GALNTL6: variants seen among roughly 807,000 people sequenced by gnomAD.
GALNTL6 encodes polypeptide N-acetylgalactosaminyltransferase like 6.
A neutral mutation model predicts 73.7 loss-of-function variants in GALNTL6; 46 were observed. The observed-to-expected ratio is 0.62, with a 90% CI of 0.49 to 0.80. The LOEUF (loss-of-function observed/expected upper bound fraction) is 0.80, where lower values mean the gene tolerates loss of function less well. Among genes scored for constraint, GALNTL6 ranks in the 30% least tolerant of loss-of-function variants. The probability of loss-of-function intolerance (pLI) is 0.00; values close to 1 mark genes in which losing one functional copy is unlikely to be tolerated. For missense variants in GALNTL6, 604 were observed against 755.0 expected, an observed-to-expected ratio of 0.80 and a Z score of 2.34; for synonymous variants, 259 against 263.7, an observed-to-expected ratio of 0.98 and a Z score of 0.17.
At chr4:172,610,973 A>T (rs557518845) in intron 5 of GALNTL6, among the ~76,000 whole-genome samples, 1 of 152,134 alleles carries the variant, frequency 6.6e-6, no homozygotes, top group South Asian at 2.1e-4. Flanking sequence ...GTTCATTTAA[A>T]GTCTGTTTTG....
At chr4:172,559,389 T>G (rs1736269134) in intron 5 of GALNTL6, among the ~76,000 whole-genome samples, 1 of 152,102 alleles carries the variant, frequency 6.6e-6, no homozygotes. Flanking sequence ...AGTCATAGAA[T>G]TTTATGGATG....
At chr4:172,529,655 G>A (rs1735100115) in intron 5 of GALNTL6, among the ~76,000 whole-genome samples, 1 of 148,126 alleles carries the variant, frequency 6.8e-6, no homozygotes, top group Non-Finnish European at 1.5e-5. Context: ...ATGCAAAGTT[G>A]GAGTACCTAA....
chr4:172,282,566 T>C (rs1051381495), intron 3 of GALNTL6, among the ~76,000 whole-genome samples: 3 of 151,156 alleles, frequency 2.0e-5, no homozygotes, highest in African/African-American at 7.3e-5. Flanking sequence ...GACACCATGC[T>C]AAGCAAAACC....
intron 7 of GALNTL6, among the ~76,000 whole-genome samples, chr4:172,866,806 C>A (rs1744689117): frequency 6.6e-6 from 1 of 152,150 alleles, no homozygotes; most frequent in Admixed American, 6.5e-5. Flanking sequence ...GCACATTTTT[C>A]TCTAGACCAT....
chr4:172,797,604 C>G (rs778465678), intron 5 of GALNTL6, among the ~76,000 whole-genome samples: 1 of 151,462 alleles, frequency 6.6e-6, no homozygotes, highest in Non-Finnish European at 1.5e-5. Flanking sequence ...CTGAATCACG[C>G]GACCTCAGCT....
chr4:172,688,466 C>G (rs1733063243), intron 5 of GALNTL6, among the ~76,000 whole-genome samples: 1 of 152,134 alleles, frequency 6.6e-6, no homozygotes, highest in Non-Finnish European at 1.5e-5. Flanking sequence ...GAAGTTGTCA[C>G]CATTTGTGTT....
At chr4:172,368,179 A>G (rs540298247) in intron 5 of GALNTL6, among the ~76,000 whole-genome samples, 6 of 152,234 alleles carry the variant, frequency 3.9e-5, no homozygotes, top group South Asian at 2.1e-4. Flanking sequence ...AGGAGTTCAA[A>G]ACTAGTCTAG....
At chr4:172,839,117 T>C (rs1366179550) in intron 7 of GALNTL6, among the ~76,000 whole-genome samples, 1 of 152,148 alleles carries the variant, frequency 6.6e-6, no homozygotes, top group Admixed American at 6.5e-5. Flanking sequence ...TTTGCTTCAA[T>C]AAAAAGGTGA....
At chr4:172,093,500 G>T (rs919492630) in intron 2 of GALNTL6, among the ~76,000 whole-genome samples, 6 of 151,852 alleles carry the variant, frequency 4.0e-5, no homozygotes, top group Admixed American at 2.0e-4. Context: ...ATAGATCTGG[G>T]GTCTTCAAAC....
At chr4:172,274,445 A>G (rs1265622767) in intron 3 of GALNTL6, among the ~76,000 whole-genome samples, 1 of 152,232 alleles carries the variant, frequency 6.6e-6, no homozygotes, top group Admixed American at 6.5e-5. Context: ...AGAATCAGAC[A>G]ATCCGTAGAG....
intron 5 of GALNTL6, among the ~76,000 whole-genome samples, chr4:172,749,185 T>C (rs7435993): frequency 0.46 from 69,551 of 151,786 alleles, 16,362 homozygotes; most frequent in African/African-American, 0.57. Context: ...TTTAAAAAGA[T>C]AACCACAAAA....
intron 2 of GALNTL6, among the ~76,000 whole-genome samples, chr4:171,848,897 CT>C (rs1166697605): frequency 6.6e-6 from 1 of 151,960 alleles, no homozygotes; most frequent in Non-Finnish European, 1.5e-5. Flanking sequence ...TGGAGTAGCA[CT>C]TTTTAATTTG....
At chr4:172,704,904 TG>T (rs1734237405) in intron 5 of GALNTL6, among the ~76,000 whole-genome samples, 1 of 152,082 alleles carries the variant, frequency 6.6e-6, no homozygotes, top group African/African-American at 2.4e-5. Context: ...TATATCTTCT[TG>T]CCAAGTTGAC....
intron 5 of GALNTL6, among the ~76,000 whole-genome samples, chr4:172,747,742 A>G (rs1282522283): frequency 1.3e-5 from 2 of 151,910 alleles, no homozygotes; most frequent in African/African-American, 4.8e-5. Context: ...ATTATTCACC[A>G]TAGCTAAGAT....
At chr4:171,999,758 T>C (rs1740613485) in intron 2 of GALNTL6, among the ~76,000 whole-genome samples, 1 of 35,004 alleles carries the variant, frequency 2.9e-5, no homozygotes, top group African/African-American at 3.9e-5. Flanking sequence ...AACTCTGAAA[T>C]TAAAAAAAAG....
intron 2 of GALNTL6, among the ~76,000 whole-genome samples, chr4:171,893,032 T>G (rs143243965): frequency 6.6e-6 from 1 of 151,748 alleles, no homozygotes; most frequent in Non-Finnish European, 1.5e-5. Flanking sequence ...ATGTGTTTAG[T>G]GAATGAAAAA....
intron 5 of GALNTL6, among the ~76,000 whole-genome samples, chr4:172,614,291 A>G (rs1255289397): frequency 6.6e-6 from 1 of 152,144 alleles, no homozygotes; most frequent in African/African-American, 2.4e-5. Flanking sequence ...TCACAGAAAA[A>G]CTAATTATTT....
At chr4:172,134,078 G>A (rs775654007) in intron 2 of GALNTL6, among the ~76,000 whole-genome samples, 38 of 152,082 alleles carry the variant, frequency 2.5e-4, no homozygotes, top group Middle Eastern at 3.4e-3. Context: ...CAATTATGAG[G>A]GTATGGATTA....
intron 7 of GALNTL6, among the ~76,000 whole-genome samples, chr4:172,824,174 G>A (rs1016879705): frequency 2.0e-5 from 3 of 152,158 alleles, no homozygotes; most frequent in Non-Finnish European, 2.9e-5. Flanking sequence ...TACATGTGGT[G>A]TGCCGTTGAA....
Sources: gnomAD v4.1 joint callset for allele counts (sites outside exome capture counted in the v4.1 genomes callset) on GRCh38, gnomAD v4.1.1 for gene constraint, MANE v1.5 for transcripts, NCBI Gene and HGNC (gene_info 2026-07-23, HGNC 2026-07-21) for gene names.